Variants in FAM184B observed in about 807,000 individuals in gnomAD.
FAM184B encodes family with sequence similarity 184 member B, also known as protein FAM184B.
FAM184B carries 111 observed loss-of-function variants against 135.9 expected under a neutral mutation model. The observed-to-expected ratio is 0.82, with a 90% confidence interval of 0.70 to 0.96. The LOEUF is 0.96. FAM184B is among the 40% of genes least tolerant of loss of function. The pLI is 0.00. For synonymous variants in FAM184B, 552 were observed against 524.8 expected (o/e 1.05, Z -0.71); for missense variants, 1,375 against 1,323.9 (o/e 1.04, Z -0.60).
intron 12 of FAM184B, among the ~76,000 whole-genome samples, 191 bp from the exon 13 acceptor site, chr4:17,642,419 G>T (rs539991761): frequency 4.9e-4 from 74 of 152,284 alleles, no homozygotes; most frequent in African/African-American, 1.7e-3. Flanking sequence ...TTTGGGAGTT[G>T]GCCAAATCTG....
rs184194277 is a variant in FAM184B at position 17,719,190 on chromosome 4, A to G, written c.142-9546T>C. 5.4e-3 allele frequency among the ~76,000 whole-genome samples: 823 copies of G among 152,324 alleles called. 8 individuals are homozygous for G. Among genetic ancestry groups the G allele is most frequent in the Non-Finnish European group, 9.2e-3 (625 of 68,034 alleles). Reference sequence around the variant, plus strand: ...ACTGCTCTTGAGCTTTGGGGCCATTATGAGGTAAGAATAAGGCTTATGTAC... The same window carrying G: ...ACTGCTCTTGAGCTTTGGGGCCATTGTGAGGTAAGAATAAGGCTTATGTAC... On this transcript the variant is annotated intron_variant, in intron 1 of 17. Transcript: ENST00000265018.
At position 17,642,069 on chromosome 4, in the gene FAM184B, G is replaced by T; in HGVS notation, c.2506C>A (p.Arg836=). 6.5e-7 allele frequency: 1 copy of T among 1,531,132 alleles called. No homozygotes were observed. The highest frequency in any genetic ancestry group is 8.7e-7 in the Non-Finnish European group (1 of 1,144,868). The allele number at this position is 1,531,132 out of a possible 1,614,324, so 94.8% of individuals were successfully genotyped here. A position where few individuals can be genotyped will look rare whatever the true frequency, so the allele number is the denominator to read the frequency against. ...CGGGTCACCCACCTGCGCTGGTCTC[G>T]GAGCTTCTGCGCCTCCTGCTGATGC... ...EQHQQEAQKL[R]DQRRFLEETQ... The change falls in exon 13 of 18, where the codon CGA becomes AGA. Residue 836 remains arginine, a synonymous_variant. Transcript: ENST00000265018.
chr4:17,736,007 T>C (rs977107714), intron 1 of FAM184B, among the ~76,000 whole-genome samples: 1 of 152,200 alleles, frequency 6.6e-6, no homozygotes, highest in Non-Finnish European at 1.5e-5. Context: ...GTGGTGATGA[T>C]CTTGATAACA....
At position 17,709,139 on chromosome 4, in the gene FAM184B, C is replaced by A. The variant is rs1222367318; in HGVS notation, c.647G>T (p.Arg216Leu). Residue 216 changes from arginine (R) to leucine (L), a missense_variant, in exon 2 of 18, where the codon CGC (arginine) becomes CTC (leucine). Transcript: ENST00000265018. ...ENQQLSKDYA[R>L]KAEELQATYE... ...GGTGGCCTGCAGCTCCTCGGCCTTGCGGGCGTAGTCCTTGCTCAGCTGCTG... is the reference window on the plus strand; with the variant it reads ...GGTGGCCTGCAGCTCCTCGGCCTTGAGGGCGTAGTCCTTGCTCAGCTGCTG... 1.7e-5 allele frequency: 26 copies of A among 1,548,252 alleles called. No individual in the cohort carries two copies. The East Asian group carries it at 5.4e-4, about 32-fold the overall frequency.
At chr4:17,663,849 T>C (rs957815269) in intron 8 of FAM184B, among the ~76,000 whole-genome samples, 14 of 152,146 alleles carry the variant, frequency 9.2e-5, no homozygotes, top group African/African-American at 2.4e-4. Context: ...GTTCTTGTGA[T>C]AGTGAGTGAG....
chr4:17,750,884 C>A (rs905785181), intron 1 of FAM184B, among the ~76,000 whole-genome samples: 1 of 152,164 alleles, frequency 6.6e-6, no homozygotes, highest in African/African-American at 2.4e-5. Context: ...CTGATCTAAG[C>A]TGGCTTGGTA....
At chr4:17,755,367 T>G (rs1272755885) in intron 1 of FAM184B, among the ~76,000 whole-genome samples, 1 of 152,136 alleles carries the variant, frequency 6.6e-6, no homozygotes, top group Admixed American at 6.5e-5. Flanking sequence ...AGACACCATC[T>G]CAAGCCAGTC....
chr4:17,747,907 C>T (rs1428282772), intron 1 of FAM184B, among the ~76,000 whole-genome samples: 46 of 95,004 alleles, frequency 4.8e-4, no homozygotes, highest in African/African-American at 1.8e-3. Flanking sequence ...GGCGACAGAG[C>T]GAGACTCTGT....
intron 13 of FAM184B, 36 bp downstream of exon 13, chr4:17,642,020 G>T: frequency 1.3e-6 from 2 of 1,504,090 alleles, no homozygotes. Flanking sequence ...TAGGGGGTGA[G>T]GGTGGCGCGG....
chr4:17,692,201 AAGG>A (rs1409179710), intron 6 of FAM184B, among the ~76,000 whole-genome samples: 1 of 152,026 alleles, frequency 6.6e-6, no homozygotes, highest in African/African-American at 2.4e-5. Flanking sequence ...GGGAGAAGTG[AAGG>A]AGGAGGGAGT....
chr4:17,734,198 T>G (rs1361362514), intron 1 of FAM184B, among the ~76,000 whole-genome samples: 19 of 152,202 alleles, frequency 1.2e-4, no homozygotes, highest in Non-Finnish European at 2.4e-4. Flanking sequence ...GATTAAAGAC[T>G]TACATGTTAG....
chr4:17,678,754 C>T (rs1262419955), intron 7 of FAM184B, among the ~76,000 whole-genome samples: 1 of 152,140 alleles, frequency 6.6e-6, no homozygotes, highest in Non-Finnish European at 1.5e-5. Flanking sequence ...AATCTGGAGG[C>T]ATCACATTAC....
At chr4:17,714,813 C>T (rs554996377) in intron 1 of FAM184B, among the ~76,000 whole-genome samples, 10 of 152,280 alleles carry the variant, frequency 6.6e-5, no homozygotes, top group Middle Eastern at 3.4e-3. Flanking sequence ...GAGGGTACCA[C>T]ATGGTGGGCT....
At chr4:17,713,459 C>CATAAAATAT in intron 1 of FAM184B, among the ~76,000 whole-genome samples, 1 of 152,208 alleles carries the variant, frequency 6.6e-6, no homozygotes, top group Non-Finnish European at 1.5e-5. Context: ...TAATGACTTC[C>CATAAAATAT]ATCCAAGAAT....
At chr4:17,670,942 C>G (rs1216020448) in intron 7 of FAM184B, among the ~76,000 whole-genome samples, 1 of 152,152 alleles carries the variant, frequency 6.6e-6, no homozygotes, top group Non-Finnish European at 1.5e-5. Context: ...GTGCAAATAC[C>G]AAGTATCTGA....
At chr4:17,742,197 G>A (rs1166896071) in intron 1 of FAM184B, among the ~76,000 whole-genome samples, 1 of 145,706 alleles carries the variant, frequency 6.9e-6, no homozygotes, top group Non-Finnish European at 1.5e-5. Flanking sequence ...GCTGGCCAAG[G>A]TGGTTCATGT....
intron 1 of FAM184B, among the ~76,000 whole-genome samples, chr4:17,754,595 T>C (rs1430363329): frequency 6.6e-6 from 1 of 150,824 alleles, no homozygotes; most frequent in Non-Finnish European, 1.5e-5. Context: ...AAAGAAACTT[T>C]AGATCTACAG....
intron 1 of FAM184B, among the ~76,000 whole-genome samples, chr4:17,731,730 G>A (rs1269828325): frequency 1.3e-5 from 2 of 152,132 alleles, no homozygotes; most frequent in Non-Finnish European, 2.9e-5. Context: ...ATAATAATGG[G>A]AGACTTTAAC....
At chr4:17,749,162 T>A (rs989555115) in intron 1 of FAM184B, among the ~76,000 whole-genome samples, 16 of 151,834 alleles carry the variant, frequency 1.1e-4, no homozygotes, top group Admixed American at 3.3e-4. Context: ...TTTTAAAGAG[T>A]ATATATGTTT....
Sources: gnomAD v4.1 joint callset for allele counts (sites outside exome capture counted in the v4.1 genomes callset) on GRCh38, gnomAD v4.1.1 for gene constraint, MANE v1.5 for transcripts, NCBI Gene and HGNC (gene_info 2026-07-23, HGNC 2026-07-21) for gene names.